Variants in ANKRD45 observed in about 807,000 individuals in gnomAD.
ANKRD45 encodes the protein ankyrin repeat domain 45.
Under a neutral mutation model 28.1 loss-of-function variants are expected in ANKRD45, and 21 were observed. The observed-to-expected ratio is 0.75, with a 90% CI of 0.53 to 1.08. The LOEUF is 1.08. Ranked by LOEUF, ANKRD45 falls within the 50% of genes least tolerant of loss-of-function variation. The probability of loss-of-function intolerance (pLI) is 0.00; values close to 1 mark genes in which losing one functional copy is unlikely to be tolerated. For synonymous variants in ANKRD45, 86 were observed against 103.9 expected, an observed-to-expected ratio of 0.83 and a Z score of 1.05; for missense variants, 261 against 308.7, an observed-to-expected ratio of 0.85 and a Z score of 1.16.
intron 1 of ANKRD45, among the ~76,000 whole-genome samples, chr1:173,668,543 C>T (rs918642725): frequency 3.9e-5 from 6 of 152,276 alleles, no homozygotes; most frequent in Non-Finnish European, 1.5e-5. Flanking sequence ...TAACTGATTC[C>T]GTGAGCCATC....
At chr1:173,630,413 A>T (rs73031392) in intron 3 of ANKRD45, among the ~76,000 whole-genome samples, 2 of 152,198 alleles carry the variant, frequency 1.3e-5, no homozygotes, top group Non-Finnish European at 2.9e-5. Flanking sequence ...AAAAAGTTGG[A>T]GGGGAATGAA....
the ANKRD45 span, among the ~76,000 whole-genome samples, chr1:173,677,179 A>AT: frequency 6.6e-6 from 1 of 151,604 alleles, no homozygotes; most frequent in Admixed American, 6.6e-5. Flanking sequence ...TAACTGAAGG[A>AT]TTTTAAAAAA....
chr1:173,665,627 T>C (rs1201352388), intron 1 of ANKRD45, among the ~76,000 whole-genome samples: 1 of 152,174 alleles, frequency 6.6e-6, no homozygotes, highest in Admixed American at 6.5e-5. Flanking sequence ...AATTCTTTGA[T>C]CTCAGGGCTC....
At chr1:173,655,457 A>T (rs952486645) in intron 2 of ANKRD45, among the ~76,000 whole-genome samples, 8 of 152,330 alleles carry the variant, frequency 5.3e-5, no homozygotes, top group African/African-American at 1.9e-4. Flanking sequence ...CAGAACAGCA[A>T]ATATTGCTGC....
chr1:173,663,086 CA>C (rs1669856967), intron 1 of ANKRD45, among the ~76,000 whole-genome samples: 1 of 151,606 alleles, frequency 6.6e-6, no homozygotes, highest in African/African-American at 2.4e-5. Context: ...CACACACACA[CA>C]CACACCTTCT....
At chr1:173,647,272 C>G (rs1039961904) in intron 2 of ANKRD45, among the ~76,000 whole-genome samples, 6 of 152,162 alleles carry the variant, frequency 3.9e-5, no homozygotes, top group African/African-American at 1.4e-4. Context: ...ACATCCCTGG[C>G]AAACAGTAAA....
At chr1:173,701,274 AT>A in the ANKRD45 span, among the ~76,000 whole-genome samples, 1 of 152,208 alleles carries the variant, frequency 6.6e-6, no homozygotes, top group East Asian at 1.9e-4. Context: ...TTCCTCAAGG[AT>A]CTAGAACTAG....
At chr1:173,657,721 C>T (rs1669608203) in intron 2 of ANKRD45, 1 of 144,340 alleles carries the variant, frequency 6.9e-6, no homozygotes, top group Admixed American at 7.3e-5. Flanking sequence ...CCTCGGCCTC[C>T]CAAAGTGCTG....
chr1:173,620,131 C>T (rs1341514391), intron 5 of ANKRD45, among the ~76,000 whole-genome samples: 1 of 152,194 alleles, frequency 6.6e-6, no homozygotes, highest in Non-Finnish European at 1.5e-5. Context: ...AAACTCTTCA[C>T]CCAAAAACAA....
intron 1 of ANKRD45, among the ~76,000 whole-genome samples, chr1:173,665,547 G>T (rs996118191): frequency 6.6e-6 from 1 of 152,082 alleles, no homozygotes; most frequent in Non-Finnish European, 1.5e-5. Flanking sequence ...AGCTACTCTT[G>T]TTATACCCTT....
chr1:173,671,592 C>T (rs766450490), upstream of ANKRD45, among the ~76,000 whole-genome samples: 13 of 151,998 alleles, frequency 8.6e-5, no homozygotes, highest in African/African-American at 2.2e-4. Flanking sequence ...ACCCTAAGGC[C>T]GGGCACGGTG....
chr1:173,686,200 C>A, the ANKRD45 span, among the ~76,000 whole-genome samples: 3 of 152,176 alleles, frequency 2.0e-5, no homozygotes, highest in Non-Finnish European at 4.4e-5. Flanking sequence ...CAGGGCATAA[C>A]AAGGCAAACA....
the ANKRD45 span, among the ~76,000 whole-genome samples, chr1:173,708,873 T>C: frequency 6.6e-6 from 1 of 152,228 alleles, no homozygotes; most frequent in African/African-American, 2.4e-5. Context: ...GGATTAGCAC[T>C]GGGACCCCGG....
intron 3 of ANKRD45, among the ~76,000 whole-genome samples, chr1:173,645,129 T>A (rs558920468): frequency 1.3e-5 from 2 of 152,338 alleles, no homozygotes; most frequent in South Asian, 2.1e-4. Context: ...GATATTGACA[T>A]AAGATTGCTT....
chr1:173,703,266 C>A, the ANKRD45 span, among the ~76,000 whole-genome samples: 3 of 150,466 alleles, frequency 2.0e-5, no homozygotes, highest in Admixed American at 6.6e-5. Context: ...TGCAGTGACA[C>A]GATCTCGGGT....
chr1:173,616,645 T>C (rs1446319613), intron 5 of ANKRD45, among the ~76,000 whole-genome samples: 7 of 152,240 alleles, frequency 4.6e-5, no homozygotes, highest in Admixed American at 4.6e-4. Context: ...CGTTCACCTT[T>C]CTGATTCTTA....
the ANKRD45 span, among the ~76,000 whole-genome samples, chr1:173,703,766 A>G: frequency 1.3e-5 from 2 of 152,208 alleles, no homozygotes; most frequent in Non-Finnish European, 2.9e-5. Flanking sequence ...CAACCCAGTC[A>G]TGAACCAAGC....
In ANKRD45 at chr1:173,624,890, C is replaced by T; in HGVS notation, c.627G>A (p.Glu209=). The change falls in exon 5 of 6, where the codon GAG becomes GAA. Residue 209 remains glutamate (E), a synonymous_variant. Coordinates refer to ENST00000333279, the MANE Select transcript of ANKRD45 (RefSeq NM_198493.3). ...TILSACRAKN[E]WLETHTEASI... Reference sequence around the variant, plus strand: ...AAGCTTCTGTATGGGTTTCCAACCACTCATTTTTTGCACGGCATGCACTGA... The same window carrying T: ...AAGCTTCTGTATGGGTTTCCAACCATTCATTTTTTGCACGGCATGCACTGA... 4 of 1,613,720 alleles carry T rather than the reference C, an allele frequency of 2.5e-6. No homozygotes were observed. The highest frequency in any genetic ancestry group is 3.4e-6 in the Non-Finnish European group (4 of 1,179,774).
At chr1:173,650,564 G>A (rs1313832534) in intron 2 of ANKRD45, among the ~76,000 whole-genome samples, 3 of 152,268 alleles carry the variant, frequency 2.0e-5, no homozygotes, top group East Asian at 1.9e-4. Flanking sequence ...ATAAACATAC[G>A]TGTGCGTGTG....
Sources: gnomAD v4.1 joint callset for allele counts (sites outside exome capture counted in the v4.1 genomes callset) on GRCh38, gnomAD v4.1.1 for gene constraint, MANE v1.5 for transcripts, NCBI Gene and HGNC (gene_info 2026-07-23, HGNC 2026-07-21) for gene names.